The following GRK5 variants were observed in gnomAD, a reference collection of about 807,000 sequenced individuals.
GRK5 encodes G protein-coupled receptor kinase 5, also known as g protein-coupled receptor kinase GRK5.
Under a neutral mutation model 78.4 loss-of-function variants are expected in GRK5, and 40 were observed. The ratio of observed to expected loss-of-function variants is 0.51; its 90% CI spans 0.40 to 0.66. The LOEUF (loss-of-function observed/expected upper bound fraction) is 0.66, where lower values mean the gene tolerates loss of function less well. GRK5 is among the 30% of genes least tolerant of loss of function. The pLI is 0.00. For synonymous variants in GRK5, 289 were observed against 296.8 expected (o/e 0.97, Z 0.27); for missense variants, 598 against 759.9 (o/e 0.79, Z 2.50).
intron 2 of GRK5, among the ~76,000 whole-genome samples, chr10:119,354,635 C>G (rs1851239350): frequency 6.6e-6 from 1 of 152,170 alleles, no homozygotes; most frequent in South Asian, 2.1e-4. Context: ...CTCCTAGGCT[C>G]AAGTGATCCT....
In GRK5 at chr10:119,436,374, G is replaced by A. The variant is rs958425562; in HGVS notation, c.739-277G>A. ...GTGCTTCTGTGGAGGAAGCACAGAC[G>A]CCATTCTGTTGGATTCACTGGGAGG... is the stretch of plus-strand genomic sequence containing the variant. On this transcript the variant is annotated intron_variant, in intron 8 of 15. Transcript: ENST00000392870. Among the ~76,000 whole-genome samples, 4 of 152,246 alleles carry A rather than the reference G, an allele frequency of 2.6e-5. No individual in the cohort carries two copies. The East Asian group carries it at 7.7e-4, about 29-fold the overall frequency.
chr10:119,298,713 C>G (rs1196438429), intron 1 of GRK5, among the ~76,000 whole-genome samples: 4 of 152,102 alleles, frequency 2.6e-5, no homozygotes, highest in Admixed American at 6.5e-5. Context: ...CTTACTCTTC[C>G]TGCCATGGTT....
At chr10:119,392,061 C>G (rs1851896169) in intron 3 of GRK5, among the ~76,000 whole-genome samples, 1 of 152,182 alleles carries the variant, frequency 6.6e-6, no homozygotes, top group African/African-American at 2.4e-5. Context: ...TTCTTAAAAG[C>G]ATCTGAAGGA....
At chr10:119,225,404 G>T (rs185547261) in intron 1 of GRK5, among the ~76,000 whole-genome samples, 1 of 152,190 alleles carries the variant, frequency 6.6e-6, no homozygotes, top group African/African-American at 2.4e-5. Flanking sequence ...TGGACTTCAA[G>T]ACATCCCACA....
intron 4 of GRK5, among the ~76,000 whole-genome samples, chr10:119,411,970 C>T (rs1852355099): frequency 6.6e-6 from 1 of 151,326 alleles, no homozygotes; most frequent in Non-Finnish European, 1.5e-5. Flanking sequence ...CTCGCCTCAG[C>T]CTCCTGCATA....
rs73450527 is a variant in GRK5, at chr10:119,264,504, C to T, written c.52+56535C>T. 2.7e-3 allele frequency among the ~76,000 whole-genome samples: 404 copies of T among 152,280 alleles called. 1 individual carries two copies. Among genetic ancestry groups the T allele is most frequent in the Middle Eastern group, 0.01 (3 of 294 alleles). ...TTCTCCCCATGACGATAAAGATGGC[C>T]AGTGGCTGTGTGTCCTTAAAGTTAG... On this transcript the variant is annotated intron_variant, in intron 1 of 15. Transcript: ENST00000392870. The surrounding 1 kb of genome is among the most constrained non-coding windows in gnomAD (Gnocchi z 4.1).
intron 3 of GRK5, among the ~76,000 whole-genome samples, chr10:119,394,788 T>C (rs1182667500): frequency 6.9e-6 from 1 of 144,970 alleles, no homozygotes; most frequent in Non-Finnish European, 1.5e-5. Context: ...TGGGCACGTG[T>C]ATGTTTGGGT....
intron 2 of GRK5, among the ~76,000 whole-genome samples, chr10:119,352,016 T>A (rs1451089509): frequency 1.3e-5 from 2 of 152,182 alleles, no homozygotes; most frequent in African/African-American, 4.8e-5. Flanking sequence ...CCAGGAAAGC[T>A]TCCTAGGGGA....
At chr10:119,443,779 C>A (rs1342277164) in intron 12 of GRK5, 27 bp downstream of exon 12, 5 of 1,566,282 alleles carry the variant, frequency 3.2e-6, no homozygotes, top group Non-Finnish European at 4.3e-6. Context: ...CAGATGCCAC[C>A]CTCAAGCTGG....
At chr10:119,269,210 C>T (rs530074481) in intron 1 of GRK5, among the ~76,000 whole-genome samples, 4 of 152,324 alleles carry the variant, frequency 2.6e-5, no homozygotes, top group East Asian at 1.9e-4. Context: ...TGACCTGACG[C>T]GTTCCCCCTG....
rs149948762 is a variant in GRK5 at position 119,423,115 on chromosome 10, G to A, written c.340-51G>A. On this transcript the variant is annotated intron_variant, in intron 4 of 15. Coordinates refer to ENST00000392870, the MANE Select transcript of GRK5 (RefSeq NM_005308.3). ...CCAACACCTGTGGGCAAACCCGGCC[G>A]CACTGCTGCTGGCTCCTCACTGACC... 4,486 of 1,265,462 alleles carry A rather than the reference G, an allele frequency of 3.5e-3. 22 individuals carry two copies. The highest frequency in any genetic ancestry group is 6.9e-3 in the Middle Eastern group (37 of 5,362). 78.4% of individuals were successfully genotyped at this position (1,265,462 alleles called of 1,614,324 possible).
chr10:119,280,807 T>G (rs1179148366), intron 1 of GRK5, among the ~76,000 whole-genome samples: 1 of 136,518 alleles, frequency 7.3e-6, no homozygotes, highest in Non-Finnish European at 1.5e-5. Flanking sequence ...TGAGACAGAG[T>G]CTCACTCTGT....
chr10:119,406,372 A>G (rs1209883689), intron 4 of GRK5: 2 of 733,632 alleles, frequency 2.7e-6, no homozygotes, highest in African/African-American at 3.8e-5. Context: ...CCTGGGGTCC[A>G]TGGCCCTGGT....
intron 2 of GRK5, chr10:119,333,975 T>G (rs1850829314): frequency 4.9e-6 from 2 of 407,572 alleles, no homozygotes; most frequent in African/African-American, 4.1e-5. Context: ...GCGAGCTCCC[T>G]GAGGGCCTGG....
At chr10:119,380,626 C>T (rs1851695379) in intron 2 of GRK5, among the ~76,000 whole-genome samples, 189 bp from the exon 3 acceptor site, 1 of 152,202 alleles carries the variant, frequency 6.6e-6, no homozygotes. Flanking sequence ...TGGGTCATCA[C>T]TGGTGCCTTC....
intron 2 of GRK5, among the ~76,000 whole-genome samples, chr10:119,372,382 A>G (rs993030069): frequency 3.3e-5 from 5 of 152,244 alleles, no homozygotes; most frequent in South Asian, 2.1e-4. Flanking sequence ...GAAGTTCTTT[A>G]ATAGTACTGC....
At chr10:119,239,980 C>T (rs561006430) in intron 1 of GRK5, among the ~76,000 whole-genome samples, 16 of 152,216 alleles carry the variant, frequency 1.1e-4, no homozygotes, top group South Asian at 2.1e-4. Flanking sequence ...AATAAACATA[C>T]GTGTGCGTGT....
At chr10:119,410,410 C>G (rs1852316875) in intron 4 of GRK5, among the ~76,000 whole-genome samples, 1 of 152,140 alleles carries the variant, frequency 6.6e-6, no homozygotes, top group Non-Finnish European at 1.5e-5. Context: ...TCTTTCAAAC[C>G]CAGTCCATTT....
At chr10:119,395,883 C>A (rs117049697) in intron 3 of GRK5, among the ~76,000 whole-genome samples, 2 of 152,106 alleles carry the variant, frequency 1.3e-5, no homozygotes, top group Non-Finnish European at 2.9e-5. Context: ...TTCCCACCGC[C>A]GGCCCTCGGG....
Sources: gnomAD v4.1 joint callset for allele counts (sites outside exome capture counted in the v4.1 genomes callset) on GRCh38, gnomAD v4.1.1 for gene constraint, Gnocchi (gnomAD v3.1) non-coding constraint, MANE v1.5 for transcripts, NCBI Gene and HGNC (gene_info 2026-07-23, HGNC 2026-07-21) for gene names.